Variants in DPYSL2 observed in about 807,000 individuals in gnomAD.
DPYSL2 encodes the protein dihydropyrimidinase like 2, also known as dihydropyrimidinase-related protein 2.
A neutral mutation model predicts 69.9 loss-of-function variants in DPYSL2; 13 were observed. The ratio of observed to expected loss-of-function variants is 0.19; its 90% CI spans 0.12 to 0.30. The LOEUF (loss-of-function observed/expected upper bound fraction) is 0.30. DPYSL2 is among the 10% of genes least tolerant of loss of function. The probability of loss-of-function intolerance (pLI) is 1.00; values close to 1 mark genes in which losing one functional copy is unlikely to be tolerated. For synonymous variants in DPYSL2, 326 were observed against 359.1 expected (o/e 0.91, Z 1.04); for missense variants, 587 against 918.9 (o/e 0.64, Z 4.67).
intron 1 of DPYSL2, among the ~76,000 whole-genome samples, chr8:26,576,474 A>G (rs1204483784): frequency 1.3e-5 from 2 of 151,316 alleles, no homozygotes; most frequent in Non-Finnish European, 2.9e-5. Flanking sequence ...TAGTTATTGT[A>G]CCTGCCAGGG....
rs1287464416 is a variant in DPYSL2, at chr8:26,517,419, G to A, written c.354+2740G>A. 6.6e-6 allele frequency among the ~76,000 whole-genome samples: 1 copy of A among 152,240 alleles called. No homozygotes were observed. The highest frequency in any genetic ancestry group is 1.5e-5 in the Non-Finnish European group (1 of 68,050). ...GGAAAAGAGCTGGCATAGTGGTTGT[G>A]AATGAGGAAAGCCTCTATCTTGTTA... is the stretch of plus-strand genomic sequence containing the variant. On this transcript the variant is annotated intron_variant, in intron 1 of 13. Coordinates refer to ENST00000521913, the MANE Select transcript of DPYSL2 (RefSeq NM_001197293.3). This position sits in a 1 kb window ranked among gnomAD's most constrained non-coding sequence, Gnocchi z 4.2.
At chr8:26,557,377 A>T (rs1383846991) in intron 1 of DPYSL2, among the ~76,000 whole-genome samples, 1 of 152,096 alleles carries the variant, frequency 6.6e-6, no homozygotes, top group African/African-American at 2.4e-5. Flanking sequence ...CCAATAGAAA[A>T]GTGGGCCAAA....
intron 1 of DPYSL2, among the ~76,000 whole-genome samples, chr8:26,522,634 G>T (rs149046558): frequency 1.3e-5 from 2 of 152,060 alleles, no homozygotes; most frequent in African/African-American, 2.4e-5. Context: ...TTTATGGGCC[G>T]TTTGTGTGTC....
At chr8:26,635,004 G>T (rs906435968) in intron 8 of DPYSL2, 104 bp downstream of exon 8, 8 of 1,505,132 alleles carry the variant, frequency 5.3e-6, no homozygotes, top group Non-Finnish European at 4.5e-6. Context: ...ATGCCAAGTG[G>T]GCCACTTGCA....
At chr8:26,651,129 C>T (rs1201732700) in intron 11 of DPYSL2, among the ~76,000 whole-genome samples, 1 of 152,210 alleles carries the variant, frequency 6.6e-6, no homozygotes, top group Non-Finnish European at 1.5e-5. Context: ...GCTGGCGCCT[C>T]TCTGCTATGG....
At chr8:26,542,261 G>A (rs375165757) in intron 1 of DPYSL2, among the ~76,000 whole-genome samples, 7 of 152,170 alleles carry the variant, frequency 4.6e-5, no homozygotes, top group African/African-American at 1.7e-4. Flanking sequence ...ACTCTAGTCT[G>A]GGTGACAGTC....
chr8:26,537,008 GT>G (rs1800602385), intron 1 of DPYSL2, among the ~76,000 whole-genome samples: 1 of 149,606 alleles, frequency 6.7e-6, no homozygotes, highest in African/African-American at 2.5e-5. Flanking sequence ...CAACTGACAA[GT>G]ATATAAATGG....
rs1422206065 is a variant in DPYSL2, at chr8:26,585,464, C to T, written c.628+1481C>T. Among the ~76,000 whole-genome samples the T allele has an allele frequency of 6.6e-6, 1 of 152,154 alleles. No individual in the cohort carries two copies. The highest frequency in any genetic ancestry group is 2.4e-5 in the African/African-American group (1 of 41,432). ...CTCTCCTGTTTCAGCTTTCTTGGCA[C>T]CACTGAGAAAAGCCTCCAAGTGTAA... On this transcript the variant is annotated intron_variant, in intron 3 of 13. Coordinates refer to ENST00000521913, the MANE Select transcript of DPYSL2 (RefSeq NM_001197293.3). This position sits in a 1 kb window ranked among gnomAD's most constrained non-coding sequence, Gnocchi z 4.0.
In DPYSL2 at chr8:26,627,874, G is replaced by T. The variant is rs1802656052; in HGVS notation, c.939G>T (p.Glu313Asp). The T allele has an allele frequency of 6.2e-7, 1 of 1,613,584 alleles. No homozygotes were observed. The highest frequency in any genetic ancestry group is 1.3e-5 in the African/African-American group (1 of 74,936). The stretch of plus-strand genomic sequence containing the variant: ...CTGACTTTCTCTAAACATTGCAGGA[G>T]CAGCAGAGGATCCTGGATCTGGGCA... ...HAENGDIIAE[E>D]QQRILDLGIT... The change falls in exon 7 of 14, where the codon GAG becomes GAT. Residue 313 changes from glutamate (E) to aspartate (D), a missense_variant and splice_region_variant. Transcript: ENST00000521913. The surrounding 1 kb of genome is among the most constrained non-coding windows in gnomAD (Gnocchi z 6.9).
Position 26,617,487 on chromosome 8 carries a change from G to A in DPYSL2, c.629-6656G>A, listed in dbSNP as rs973822168. ...TCCAGCCTGGGTGCCAGAGCGAGAC[G>A]CCTTCTCAACAAAAGAAAAAGGATA... On this transcript the variant is annotated intron_variant, in intron 3 of 13. Transcript: ENST00000521913. This position sits in a 1 kb window ranked among gnomAD's most constrained non-coding sequence, Gnocchi z 4.7. Among the ~76,000 whole-genome samples the A allele has an allele frequency of 2.6e-5, 4 of 151,966 alleles. No homozygotes were observed. The highest frequency in any genetic ancestry group is 9.7e-5 in the African/African-American group (4 of 41,324).
chr8:26,636,288 G>A (rs1014670568), intron 8 of DPYSL2, among the ~76,000 whole-genome samples: 2 of 152,252 alleles, frequency 1.3e-5, no homozygotes, highest in African/African-American at 4.8e-5. Context: ...GCATTTGCAA[G>A]AAGGCAGCGC....
chr8:26,568,981 C>T (rs1465395987), intron 1 of DPYSL2, among the ~76,000 whole-genome samples: 6 of 152,138 alleles, frequency 3.9e-5, no homozygotes, highest in East Asian at 1.9e-4. Flanking sequence ...AAGGAATCTG[C>T]TCGCTCTGCC....
rs116834469 is a variant in DPYSL2 at position 26,609,287 on chromosome 8, C to T, written c.629-14856C>T. 2.9e-4 allele frequency among the ~76,000 whole-genome samples: 44 copies of T among 152,184 alleles called. No homozygotes were observed. In the Middle Eastern group the frequency reaches 0.01, roughly 35 times the overall value. ...AGTAAGAAGTAATCATGACCCTGTCCGTTCATTTGCTCTTTGTTCTTTCCT... is the reference window on the plus strand; with the variant it reads ...AGTAAGAAGTAATCATGACCCTGTCTGTTCATTTGCTCTTTGTTCTTTCCT... On this transcript the variant is annotated intron_variant, in intron 3 of 13. Coordinates refer to ENST00000521913, the MANE Select transcript of DPYSL2 (RefSeq NM_001197293.3). This position sits in a 1 kb window ranked among gnomAD's most constrained non-coding sequence, Gnocchi z 6.5.
intron 1 of DPYSL2, among the ~76,000 whole-genome samples, chr8:26,574,803 G>A (rs1801300871): frequency 6.6e-6 from 1 of 152,140 alleles, no homozygotes; most frequent in Non-Finnish European, 1.5e-5. Flanking sequence ...GAGTGCAGTG[G>A]CACGATCATG....
rs1306223158 is a variant in DPYSL2, at chr8:26,580,735, G to C, written c.355-1234G>C. ...GAATATTGTTTTGTAACTGAATTTTGAGTTAACTATTGCCAAAAGAATGTC... is the reference window on the plus strand; with the variant it reads ...GAATATTGTTTTGTAACTGAATTTTCAGTTAACTATTGCCAAAAGAATGTC... On this transcript the variant is annotated intron_variant, in intron 1 of 13. Transcript: ENST00000521913. This position sits in a 1 kb window ranked among gnomAD's most constrained non-coding sequence, Gnocchi z 4.1. Among the ~76,000 whole-genome samples, 1 of 152,140 alleles carries C rather than the reference G, an allele frequency of 6.6e-6. No individual in the cohort carries two copies. The highest frequency in any genetic ancestry group is 2.4e-5 in the African/African-American group (1 of 41,424).
intron 1 of DPYSL2, among the ~76,000 whole-genome samples, chr8:26,569,545 G>C (rs969696646): frequency 6.6e-6 from 1 of 152,188 alleles, no homozygotes; most frequent in African/African-American, 2.4e-5. Flanking sequence ...ACTCTTGTTT[G>C]TTGAGTGTTG....
chr8:26,522,891 T>C (rs1439622097), intron 1 of DPYSL2, among the ~76,000 whole-genome samples: 4 of 152,168 alleles, frequency 2.6e-5, no homozygotes, highest in African/African-American at 9.6e-5. Context: ...GCTTTTGGTA[T>C]TATACTATCC....
intron 1 of DPYSL2, among the ~76,000 whole-genome samples, chr8:26,525,304 T>A (rs903971681): frequency 6.6e-6 from 1 of 152,128 alleles, no homozygotes; most frequent in East Asian, 1.9e-4. Context: ...CACTGCAGCC[T>A]CGACCTCCTA....
rs563032304 is a variant in DPYSL2, at chr8:26,650,607, T to G, written c.1597-1650T>G. Among the ~76,000 whole-genome samples the G allele has an allele frequency of 6.9e-4, 105 of 152,278 alleles. No homozygotes were observed. The highest frequency in any genetic ancestry group is 2.4e-3 in the African/African-American group (100 of 41,562). On this transcript the variant is annotated intron_variant, in intron 11 of 13. Transcript: ENST00000521913. The surrounding 1 kb of genome is among the most constrained non-coding windows in gnomAD (Gnocchi z 5.3). ...CTGAGATGCCATCGATTTTAAGATA[T>G]TCCATTAGGTTATGTACCACGATGA...
Sources: gnomAD v4.1 joint callset for allele counts (sites outside exome capture counted in the v4.1 genomes callset) on GRCh38, gnomAD v4.1.1 for gene constraint, Gnocchi (gnomAD v3.1) non-coding constraint, MANE v1.5 for transcripts, NCBI Gene and HGNC (gene_info 2026-07-23, HGNC 2026-07-21) for gene names.